DPP10: variants seen among roughly 807,000 people sequenced by gnomAD.
DPP10 encodes the protein inactive dipeptidyl peptidase 10.
DPP10 carries 33 observed loss-of-function variants against 120.9 expected under a neutral mutation model. The observed-to-expected ratio is 0.27, with a 90% confidence interval of 0.21 to 0.37. DPP10 has a LOEUF of 0.37. Among genes scored for constraint, DPP10 ranks in the 10% least tolerant of loss-of-function variants. DPP10 has a pLI of 1.00. For synonymous variants in DPP10, 337 were observed against 326.1 expected (o/e 1.03, Z -0.36); for missense variants, 816 against 942.8 (o/e 0.87, Z 1.76).
chr2:114,752,579 AG>A (rs1401440740), intron 1 of DPP10, among the ~76,000 whole-genome samples: 15 of 152,180 alleles, frequency 9.9e-5, no homozygotes, highest in Non-Finnish European at 2.9e-5. Context: ...CTGAGGAGGC[AG>A]GACTCAAGGT....
intron 1 of DPP10, among the ~76,000 whole-genome samples, chr2:115,022,933 A>T (rs1703181415): frequency 6.6e-6 from 1 of 152,202 alleles, no homozygotes. Context: ...GTGCTGAGAT[A>T]ATTGGCAAGC....
chr2:115,298,836 A>G (rs114765013), intron 1 of DPP10, among the ~76,000 whole-genome samples: 2,440 of 152,144 alleles, frequency 0.016, 53 homozygotes, highest in African/African-American at 0.053. Flanking sequence ...GAGCTAAGGC[A>G]TTGTCTAAAT....
intron 5 of DPP10, among the ~76,000 whole-genome samples, chr2:115,619,067 A>C (rs1475451184): frequency 2.5e-5 from 2 of 80,282 alleles, no homozygotes; most frequent in Non-Finnish European, 4.6e-5. Context: ...CCTGTGGTGC[A>C]ACACTGCCAA....
At chr2:115,561,772 G>C (rs1186929230) in intron 5 of DPP10, among the ~76,000 whole-genome samples, 2 of 152,046 alleles carry the variant, frequency 1.3e-5, no homozygotes, top group Non-Finnish European at 2.9e-5. Context: ...TAAATAAATT[G>C]GAAAAATACA....
At chr2:115,076,867 ATTTC>A (rs780915755) in intron 1 of DPP10, among the ~76,000 whole-genome samples, 19 of 152,312 alleles carry the variant, frequency 1.2e-4, no homozygotes, top group African/African-American at 3.4e-4. Context: ...TACACAGGAT[ATTTC>A]TTTCTTGCTG....
chr2:115,307,613 T>C (rs988540611), intron 1 of DPP10, among the ~76,000 whole-genome samples: 1 of 152,110 alleles, frequency 6.6e-6, no homozygotes, highest in East Asian at 1.9e-4. Flanking sequence ...CCACTGTAGG[T>C]TTTGATTTAC....
chr2:114,967,324 GA>G (rs2104763644), intron 1 of DPP10, among the ~76,000 whole-genome samples: 1 of 152,282 alleles, frequency 6.6e-6, no homozygotes, highest in South Asian at 2.1e-4. Flanking sequence ...ATATGTTTGG[GA>G]ACTCTGCTCT....
At chr2:115,560,913 A>G (rs373187225) in intron 5 of DPP10, among the ~76,000 whole-genome samples, 1 of 152,112 alleles carries the variant, frequency 6.6e-6, no homozygotes, top group East Asian at 1.9e-4. Context: ...ATTTATTTAG[A>G]CATCTATCTT....
intron 1 of DPP10, among the ~76,000 whole-genome samples, chr2:115,059,873 A>G (rs139809480): frequency 9.6e-4 from 146 of 152,094 alleles, no homozygotes; most frequent in African/African-American, 3.5e-3. Context: ...AGTTTCTTTT[A>G]TTTGCAACAG....
chr2:115,572,713 C>T (rs2081410043), intron 5 of DPP10, among the ~76,000 whole-genome samples: 1 of 152,102 alleles, frequency 6.6e-6, no homozygotes, highest in African/African-American at 2.4e-5. Flanking sequence ...CTCTAGGGAC[C>T]TTTAACCTTA....
intron 4 of DPP10, among the ~76,000 whole-genome samples, chr2:115,524,784 G>A (rs971619636): frequency 1.3e-5 from 2 of 152,114 alleles, no homozygotes; most frequent in African/African-American, 2.4e-5. Context: ...AAAGTGCAAA[G>A]AAGTTTGCTA....
intron 3 of DPP10, among the ~76,000 whole-genome samples, chr2:115,361,881 G>A (rs1474856420): frequency 6.6e-6 from 1 of 152,004 alleles, no homozygotes; most frequent in Non-Finnish European, 1.5e-5. Context: ...TGGTTGGAGA[G>A]TTGCTTCTTG....
intron 21 of DPP10, among the ~76,000 whole-genome samples, chr2:115,834,743 C>T (rs533364885): frequency 6.6e-6 from 1 of 152,270 alleles, no homozygotes; most frequent in Non-Finnish European, 1.5e-5. Context: ...TTCTCCTTTA[C>T]TCTTCATGAG....
chr2:115,524,254 G>T (rs1036735454), intron 4 of DPP10, among the ~76,000 whole-genome samples: 3 of 152,132 alleles, frequency 2.0e-5, no homozygotes, highest in Admixed American at 1.3e-4. Context: ...CAATGGTACT[G>T]AATTATGTCC....
At chr2:114,799,391 T>C (rs1335938084) in intron 1 of DPP10, among the ~76,000 whole-genome samples, 1 of 152,168 alleles carries the variant, frequency 6.6e-6, no homozygotes, top group Non-Finnish European at 1.5e-5. Flanking sequence ...ACCTTAACTA[T>C]TCAGAAATTG....
rs551050968 is a variant in DPP10 at position 114,651,900 on chromosome 2, G to A, written c.60+209062G>A. Reference sequence around the variant, plus strand: ...ACCTCCTGAGGCAGCGTGAGTTAGGGCATGCATCTCACATTTTAATGTGCT... The same window carrying A: ...ACCTCCTGAGGCAGCGTGAGTTAGGACATGCATCTCACATTTTAATGTGCT... On this transcript the variant is annotated intron_variant, in intron 1 of 25. Coordinates refer to ENST00000410059, the MANE Select transcript of DPP10 (RefSeq NM_020868.6). Among the ~76,000 whole-genome samples the A allele has an allele frequency of 1.9e-4, 29 of 152,254 alleles. No individual in the cohort carries two copies. The South Asian group carries it at 5.6e-3, about 29-fold the overall frequency.
chr2:115,572,988 T>C (rs2081427011), intron 5 of DPP10, among the ~76,000 whole-genome samples: 1 of 152,118 alleles, frequency 6.6e-6, no homozygotes, highest in African/African-American at 2.4e-5. Flanking sequence ...GCTTCAGCTG[T>C]TTCTAAATGC....
chr2:115,165,902 G>A (rs920895904), intron 1 of DPP10, among the ~76,000 whole-genome samples: 19 of 152,118 alleles, frequency 1.2e-4, no homozygotes, highest in Non-Finnish European at 4.4e-5. Context: ...TACAAAGACA[G>A]CACTTGTTAT....
chr2:115,570,166 G>A (rs114692966), intron 5 of DPP10, among the ~76,000 whole-genome samples: 1,728 of 152,246 alleles, frequency 0.011, 36 homozygotes, highest in African/African-American at 0.039. Flanking sequence ...TGTCTCTCAT[G>A]CCTGCTGTTT....
Sources: allele counts gnomAD v4.1 joint callset (sites outside exome capture counted in the v4.1 genomes callset), GRCh38; gene constraint gnomAD v4.1.1; transcripts MANE v1.5; gene names NCBI Gene and HGNC (gene_info 2026-07-23, HGNC 2026-07-21).